The following GTPBP6 variants were observed in gnomAD, a reference collection of about 807,000 sequenced individuals.
GTPBP6 encodes the protein GTP binding protein 6.
In GTPBP6, 33 loss-of-function variants were observed where a neutral mutation model predicts 28.9. That is an observed-to-expected ratio of 1.14 (90% CI 0.87 to 1.53). The LOEUF (loss-of-function observed/expected upper bound fraction) is 1.53, where lower values mean the gene tolerates loss of function less well. Ranked by LOEUF, GTPBP6 falls within the 40% of genes most tolerant of loss-of-function variation. The probability of loss-of-function intolerance (pLI) is 0.00; values close to 1 mark genes in which losing one functional copy is unlikely to be tolerated. For synonymous variants in GTPBP6, 231 were observed against 192.7 expected, an observed-to-expected ratio of 1.20 and a Z score of -1.65; for missense variants, 507 against 408.3, an observed-to-expected ratio of 1.24 and a Z score of -2.08.
In GTPBP6 at chrX:305,177, G is replaced by A. The variant is rs367791519; in HGVS notation, c.1448C>T (p.Thr483Ile). 1.5e-4 allele frequency: 239 copies of A among 1,613,594 alleles called. No homozygotes were observed. The African/African-American group carries it at 2.7e-3, about 18-fold the overall frequency. Residue 483 changes from threonine (T) to isoleucine (I), a missense_variant, in exon 10 of 10, where the codon ACA becomes ATA. By Grantham distance (89) the Thr-to-Ile change is moderately conservative. Transcript: ENST00000326153. The stretch of plus-strand genomic sequence containing the variant: ...AGGGATCACGTCCACCTCCTGAACT[G>A]TGGCCTCCTTATACAGCCAGCTGGG...
intron 1 of GTPBP6, 128 bp downstream of exon 1, chrX:318,311 T>C (rs2070478044): frequency 5.5e-6 from 2 of 363,416 alleles, no homozygotes; most frequent in Admixed American, 5.0e-5. Flanking sequence ...CGCCCCTGAA[T>C]CTCCACCTAT....
At chrX:314,069 C>A (rs1416982688) in intron 5 of GTPBP6, 81 bp downstream of exon 5, 1 of 1,099,080 alleles carries the variant, frequency 9.1e-7, no homozygotes, top group Non-Finnish European at 1.4e-6. Flanking sequence ...CTGTTGGAAT[C>A]TTCCAGGGCT....
At chrX:307,757 G>A in exon 8 of GTPBP6, 1 of 1,510,332 alleles carries the variant, frequency 6.6e-7, no homozygotes, top group Non-Finnish European at 8.9e-7. Flanking sequence ...ACCTTGTTGT[G>A]AACCTCCACC....
chrX:304,809 G>C (rs1486071017), exon 10 of GTPBP6: 3 of 1,376,936 alleles, frequency 2.2e-6, no homozygotes, highest in Non-Finnish European at 2.8e-6. Flanking sequence ...AGGGAAAGCA[G>C]TTCACAGCAG....
intron 1 of GTPBP6, among the ~76,000 whole-genome samples, chrX:317,365 G>C (rs1372449522): frequency 1.3e-5 from 2 of 152,052 alleles, no homozygotes; most frequent in Non-Finnish European, 2.9e-5. Flanking sequence ...CGGCAGGTTT[G>C]GGGAGTAGAG....
At chrX:307,669 C>T in intron 8 of GTPBP6, 63 bp downstream of exon 8, 1 of 1,442,946 alleles carries the variant, frequency 6.9e-7, no homozygotes, top group South Asian at 1.4e-5. Context: ...CGGGGCATCT[C>T]CCCACCCGGC....
At chrX:316,266 G>C (rs1200868049) in intron 2 of GTPBP6, among the ~76,000 whole-genome samples, 550 of 23,264 alleles carry the variant, frequency 0.024, 14 homozygotes, top group African/African-American at 0.056. Flanking sequence ...CACACACACA[G>C]ACACACACAC....
chrX:311,965 C>A, intron 6 of GTPBP6: 1 of 556,530 alleles, frequency 1.8e-6, no homozygotes, highest in South Asian at 1.9e-5. Flanking sequence ...GGTGGTGGTG[C>A]TGGTGTGGAT....
At position 312,042 on chromosome X, in the gene GTPBP6, C is replaced by T. The variant is rs1344746092; in HGVS notation, c.917-415G>A. ...GGTGGATATAGATACGGCAGTGGTG[C>T]CGGTGTTGACAGAAGGATGGTGTAG... On this transcript the variant is annotated intron_variant, in intron 6 of 9. Coordinates refer to ENST00000326153, the Ensembl canonical transcript of GTPBP6. 4 of 452,298 alleles carry T rather than the reference C, an allele frequency of 8.8e-6. No homozygotes were observed. The East Asian group carries it at 2.1e-4, about 24-fold the overall frequency. The allele number at this position is 452,298 out of a possible 1,614,324, so 28.0% of individuals were successfully genotyped here.
chrX:313,387 G>C (rs980264829), intron 5 of GTPBP6, among the ~76,000 whole-genome samples: 2 of 152,156 alleles, frequency 1.3e-5, no homozygotes, highest in African/African-American at 4.8e-5. Context: ...AAGAAGCAGA[G>C]ACCGGAGTGA....
At position 307,882 on chromosome X, in the gene GTPBP6, T is replaced by G; in HGVS notation, c.1126-2A>C. The G allele has an allele frequency of 6.6e-7, 1 of 1,517,222 alleles. No homozygotes were observed. The highest frequency in any genetic ancestry group is 8.8e-7 in the Non-Finnish European group (1 of 1,134,424). 94.0% of individuals were successfully genotyped at this position (1,517,222 alleles called of 1,614,324 possible). On this transcript the variant is annotated splice_acceptor_variant, in intron 7 of 9. Transcript: ENST00000326153. LOFTEE classifies it high-confidence loss of function. ...GTCCCTCACGTGCAAGATGAGATCC[T>G]GTGGGCCGGGCCGTGGGGTCAGAGC...
At chrX:317,511 G>C (rs2070458898) in intron 1 of GTPBP6, among the ~76,000 whole-genome samples, 2 of 134,994 alleles carry the variant, frequency 1.5e-5, no homozygotes, top group Middle Eastern at 4.0e-3. Flanking sequence ...CAACCTTTAT[G>C]AGACTCTGAC....
chrX:312,771 T>C (rs774848100), exon 6 of GTPBP6: 22 of 1,610,182 alleles, frequency 1.4e-5, no homozygotes, highest in Admixed American at 1.7e-5. Flanking sequence ...CTCACCGCAG[T>C]TGGTGTACCC....
chrX:307,259 G>A (rs2070189986), intron 9 of GTPBP6, 101 bp downstream of exon 9: 1 of 1,063,154 alleles, frequency 9.4e-7, no homozygotes, highest in Admixed American at 2.3e-5. Context: ...AAAGCTCTCG[G>A]GGATCTCACA....
chrX:304,974 C>T, exon 10 of GTPBP6: 1 of 1,528,056 alleles, frequency 6.5e-7, no homozygotes, highest in Non-Finnish European at 8.8e-7. Flanking sequence ...ACAAGGAGGA[C>T]CCTGCTGCAC....
chrX:313,294 G>T (rs1448610081), intron 5 of GTPBP6, among the ~76,000 whole-genome samples: 1 of 152,218 alleles, frequency 6.6e-6, no homozygotes, highest in African/African-American at 2.4e-5. Flanking sequence ...AATGGGACCT[G>T]ATTTGGAAAT....
intron 2 of GTPBP6, among the ~76,000 whole-genome samples, chrX:315,672 G>A (rs1488022416): frequency 1.4e-3 from 22 of 15,856 alleles, no homozygotes; most frequent in African/African-American, 4.2e-3. Flanking sequence ...ATCCCGGCAG[G>A]GACACAAACA....
In GTPBP6 at chrX:318,578, CTCGTCGTCTCCCGT is replaced by C; in HGVS notation, c.196_209del (p.Thr66GlyfsTer34). ...TCTCGTCCGCATCTTCCGGCTCCTC[CTCGTCGTCTCCCGT>C]GCGGCTTCGGCCGCCGTCCGCCCGC... On this transcript the variant is annotated frameshift_variant, in exon 1 of 10. Transcript: ENST00000326153. LOFTEE classifies it high-confidence loss of function. 1 of 398,298 alleles carries C rather than the reference CTCGTCGTCTCCCGT, an allele frequency of 2.5e-6. No individual in the cohort carries two copies. Among genetic ancestry groups the C allele is most frequent in the Non-Finnish European group, 4.4e-6 (1 of 225,840 alleles). 24.7% of individuals were successfully genotyped at this position (398,298 alleles called of 1,614,324 possible). A position where few individuals can be genotyped will look rare whatever the true frequency, so the allele number is the denominator to read the frequency against.
chrX:305,311 C>G (rs1385417991), intron 9 of GTPBP6, 114 bp from the exon 10 acceptor site: 3 of 823,848 alleles, frequency 3.6e-6, no homozygotes, highest in Non-Finnish European at 5.9e-6. Flanking sequence ...ATCAGACCGT[C>G]CTGTTTCCTT....
Sources: gnomAD v4.1 joint callset for allele counts (sites outside exome capture counted in the v4.1 genomes callset) on GRCh38, gnomAD v4.1.1 for gene constraint, MANE v1.5 for transcripts, NCBI Gene and HGNC (gene_info 2026-07-23, HGNC 2026-07-21) for gene names.